The following RASA2 variants were observed in gnomAD, a reference collection of about 807,000 sequenced individuals.
RASA2 encodes RAS p21 protein activator 2.
In RASA2, 155 loss-of-function variants were observed where a neutral mutation model predicts 118.2. That is an observed-to-expected ratio of 1.31 (90% confidence interval 1.15 to 1.50). RASA2 has a LOEUF of 1.50. RASA2 is among the 40% of genes most tolerant of loss of function. The pLI is 0.00. For synonymous variants in RASA2, 353 were observed against 349.1 expected, an observed-to-expected ratio of 1.01 and a Z score of -0.12; for missense variants, 1,016 against 1,009.6, an observed-to-expected ratio of 1.01 and a Z score of -0.09.
intron 5 of RASA2, among the ~76,000 whole-genome samples, chr3:141,549,488 T>TGTGC (rs1553790668): frequency 1.5e-4 from 22 of 150,072 alleles, no homozygotes; most frequent in Non-Finnish European, 3.3e-4. Flanking sequence ...TGTGTGCGTG[T>TGTGC]GTGTGTGTGT....
At chr3:141,502,470 C>T (rs1441016530) in intron 1 of RASA2, among the ~76,000 whole-genome samples, 1 of 152,034 alleles carries the variant, frequency 6.6e-6, no homozygotes, top group Non-Finnish European at 1.5e-5. Flanking sequence ...CCTCTCATTC[C>T]CCCTTCATCT....
chr3:141,603,828 C>T (rs1231358017), intron 19 of RASA2, among the ~76,000 whole-genome samples: 1 of 152,152 alleles, frequency 6.6e-6, no homozygotes, highest in Admixed American at 6.5e-5. Flanking sequence ...ATTTCATGTA[C>T]ATGGAATCAT....
At chr3:141,535,118 C>T (rs969731131) in intron 4 of RASA2, among the ~76,000 whole-genome samples, 5 of 152,180 alleles carry the variant, frequency 3.3e-5, no homozygotes, top group East Asian at 1.9e-4. Flanking sequence ...CTCATTTTTC[C>T]GACATCATAT....
intron 4 of RASA2, among the ~76,000 whole-genome samples, chr3:141,535,386 A>C (rs2082313515): frequency 6.6e-6 from 1 of 152,138 alleles, no homozygotes; most frequent in South Asian, 2.1e-4. Flanking sequence ...AAACATACTG[A>C]GTTATTTTAT....
chr3:141,513,056 T>TCC (rs2081974270), intron 2 of RASA2, among the ~76,000 whole-genome samples: 1 of 139,590 alleles, frequency 7.2e-6, no homozygotes, highest in Non-Finnish European at 1.5e-5. Context: ...AGAGTGAAAC[T>TCC]CCATCTCAGA....
At chr3:141,601,615 T>C (rs972444085) in intron 19 of RASA2, among the ~76,000 whole-genome samples, 1 of 152,230 alleles carries the variant, frequency 6.6e-6, no homozygotes, top group Non-Finnish European at 1.5e-5. Flanking sequence ...TTCTCCATTA[T>C]TCATTGTGAT....
intron 1 of RASA2, among the ~76,000 whole-genome samples, chr3:141,491,888 A>C (rs1170763273): frequency 6.6e-6 from 1 of 152,180 alleles, no homozygotes; most frequent in African/African-American, 2.4e-5. Context: ...CCGTCTATTT[A>C]ATTCTGTGAA....
In RASA2 at chr3:141,613,399, G is replaced by A. The variant is rs938449282; in HGVS notation, c.*1086G>A. 4.6e-5 allele frequency: 7 copies of A among 152,156 alleles called. No homozygotes were observed. Among genetic ancestry groups the A allele is most frequent in the Admixed American group, 4.6e-4 (7 of 15,282 alleles). 9.4% of individuals were successfully genotyped at this position (152,156 alleles called of 1,614,324 possible). ...TTCCTTATTGCCTGCTAGCCAAATG[G>A]AATTTGGGCAAGCAACTCTTTGAAG... On this transcript the variant is annotated 3_prime_UTR_variant, in exon 24 of 24. Coordinates refer to ENST00000286364, the MANE Select transcript of RASA2 (RefSeq NM_006506.5).
chr3:141,610,383 TTATA>T lies in RASA2; in HGVS notation c.2519+321_2519+324del, dbSNP rs1002492712. 9.0e-5 allele frequency among the ~76,000 whole-genome samples: 8 copies of T among 89,330 alleles called. No homozygotes were observed. The Admixed American group carries it at 1.0e-3, about 11-fold the overall frequency. The allele number at this position is 89,330 out of a possible 152,430, so 58.6% of individuals were successfully genotyped here. A position where few individuals can be genotyped will look rare whatever the true frequency, so the allele number is the denominator to read the frequency against. ...TATATTATATATTTATATTTATATA[TTATA>T]TATTTATATTTATATATTATATATT... On this transcript the variant is annotated intron_variant, in intron 23 of 23. Coordinates refer to ENST00000286364, the MANE Select transcript of RASA2 (RefSeq NM_006506.5).
chr3:141,567,947 G>C (rs1357790432), intron 9 of RASA2, among the ~76,000 whole-genome samples: 2 of 152,222 alleles, frequency 1.3e-5, no homozygotes, highest in Non-Finnish European at 2.9e-5. Context: ...GACTGAGAGA[G>C]AGAATTTCCC....
chr3:141,493,417 A>C (rs2081662062), intron 1 of RASA2, among the ~76,000 whole-genome samples: 1 of 152,208 alleles, frequency 6.6e-6, no homozygotes, highest in African/African-American at 2.4e-5. Context: ...ACTGTCTGTC[A>C]CCATCACCTG....
At chr3:141,529,554 T>G (rs2082229434) in intron 3 of RASA2, among the ~76,000 whole-genome samples, 154 bp from the exon 4 acceptor site, 1 of 152,168 alleles carries the variant, frequency 6.6e-6, no homozygotes, top group African/African-American at 2.4e-5. Flanking sequence ...TTCTTTAGAA[T>G]GTAGAAAAAA....
chr3:141,524,466 A>G (rs1212084301), intron 3 of RASA2, among the ~76,000 whole-genome samples: 1 of 152,184 alleles, frequency 6.6e-6, no homozygotes, highest in Non-Finnish European at 1.5e-5. Flanking sequence ...AACCTCGTAC[A>G]CTAAGGCTTC....
At chr3:141,531,146 A>G (rs931497575) in intron 4 of RASA2, among the ~76,000 whole-genome samples, 8 of 152,094 alleles carry the variant, frequency 5.3e-5, no homozygotes, top group Non-Finnish European at 8.8e-5. Flanking sequence ...AAAGGCAGAT[A>G]TGAAAGTTTT....
chr3:141,609,530 A>G lies in RASA2; in HGVS notation c.2329+7A>G, dbSNP rs1444704196. ...AAGCTGCAGAAGATGGAAGGTAAAT[A>G]CACAATCTATTTTTATATAACCATA... On this transcript the variant is annotated splice_region_variant and intron_variant, in intron 22 of 23. Coordinates refer to ENST00000286364, the MANE Select transcript of RASA2 (RefSeq NM_006506.5). The G allele has an allele frequency of 5.2e-6, 8 of 1,530,676 alleles. No individual in the cohort carries two copies. Among genetic ancestry groups the G allele is most frequent in the Non-Finnish European group, 1.8e-6 (2 of 1,109,526 alleles). 94.8% of individuals were successfully genotyped at this position (1,530,676 alleles called of 1,614,324 possible). A position where few individuals can be genotyped will look rare whatever the true frequency, so the allele number is the denominator to read the frequency against.
In RASA2 at chr3:141,487,147, G is replaced by A; in HGVS notation, c.64G>A (p.Ala22Thr). ...CGAGGCGCCAGCGGCGAGTGCGACT[G>A]CAGAGCCCGAGGCCGGGGACCAGGA... is the stretch of plus-strand genomic sequence containing the variant. ...SSEAPAASAT[A>T]EPEAGDQDSR... The change falls in exon 1 of 24, where the codon GCA becomes ACA. Residue 22 changes from alanine to threonine, a missense_variant. Physicochemically the swap from Ala to Thr is moderately conservative, Grantham distance 58 (BLOSUM62 0). This residue lies in a region of RASA2 where 896 missense variants were observed against 836.4 expected (regional missense o/e 1.07). Transcript: ENST00000286364. 2.1e-6 allele frequency: 3 copies of A among 1,460,702 alleles called. No individual in the cohort carries two copies. The highest frequency in any genetic ancestry group is 3.0e-5 in the East Asian group (1 of 33,556). 90.5% of individuals were successfully genotyped at this position (1,460,702 alleles called of 1,614,324 possible).
In RASA2 at chr3:141,610,414, ATATT is replaced by A. The variant is rs1379285085; in HGVS notation, c.2519+352_2519+355del. On this transcript the variant is annotated intron_variant, in intron 23 of 23. Coordinates refer to ENST00000286364, the MANE Select transcript of RASA2 (RefSeq NM_006506.5). Reference sequence around the variant, plus strand: ...ATTTATATTTATATATTATATATTTATATTTATATATTATATATTTATATTTATA... The same window carrying A: ...ATTTATATTTATATATTATATATTTATATATATTATATATTTATATTTATA... Among the ~76,000 whole-genome samples the A allele has an allele frequency of 4.8e-5, 5 of 103,368 alleles. No individual in the cohort carries two copies. The South Asian group carries it at 1.1e-3, about 22-fold the overall frequency. The allele number at this position is 103,368 out of a possible 152,430, so 67.8% of individuals were successfully genotyped here.
rs528668926 is a variant in RASA2, at chr3:141,530,820, A to G, written c.450+1018A>G. Among the ~76,000 whole-genome samples the G allele has an allele frequency of 7.2e-5, 11 of 152,244 alleles. No homozygotes were observed. The South Asian group carries it at 2.3e-3, about 32-fold the overall frequency. On this transcript the variant is annotated intron_variant, in intron 4 of 23. Transcript: ENST00000286364. ...AATATTCTTGTCTTTCCTTATGACC[A>G]TAGCTATTATTCAGATCCCAGTTGT...
intron 19 of RASA2, among the ~76,000 whole-genome samples, chr3:141,603,564 T>G (rs2083499536): frequency 6.6e-6 from 1 of 151,874 alleles, no homozygotes; most frequent in Non-Finnish European, 1.5e-5. Context: ...AGAGCAAAAC[T>G]CTGTCTCAAA....
Sources: allele counts gnomAD v4.1 joint callset (sites outside exome capture counted in the v4.1 genomes callset), GRCh38; gene constraint gnomAD v4.1.1; regional missense constraint gnomAD v4.1.1; transcripts MANE v1.5; gene names NCBI Gene and HGNC (gene_info 2026-07-23, HGNC 2026-07-21).